Variants in ENTHD1 observed in about 807,000 individuals in gnomAD.
The protein encoded by ENTHD1 is ENTH domain-containing protein 1.
A neutral mutation model predicts 39.1 loss-of-function variants in ENTHD1; 23 were observed. The ratio of observed to expected loss-of-function variants is 0.59; its 90% CI spans 0.42 to 0.83. The LOEUF is 0.83. Among genes scored for constraint, ENTHD1 ranks in the 40% least tolerant of loss-of-function variants. ENTHD1 has a pLI of 0.00. For synonymous variants in ENTHD1, 230 were observed against 258.2 expected, an observed-to-expected ratio of 0.89 and a Z score of 1.05; for missense variants, 624 against 705.4, an observed-to-expected ratio of 0.88 and a Z score of 1.31.
chr22:39,828,060 T>C (rs2065839761), intron 4 of ENTHD1, among the ~76,000 whole-genome samples: 1 of 152,246 alleles, frequency 6.6e-6, no homozygotes, highest in Non-Finnish European at 1.5e-5. Flanking sequence ...ACATTTATTA[T>C]ACAGAAAGAT....
intron 5 of ENTHD1, among the ~76,000 whole-genome samples, chr22:39,797,810 G>A (rs1304528538): frequency 6.6e-6 from 1 of 152,104 alleles, no homozygotes; most frequent in Non-Finnish European, 1.5e-5. Flanking sequence ...TCAGCTGTTG[G>A]TCTGACAGGA....
At chr22:39,792,874 A>C (rs140467889) in intron 5 of ENTHD1, among the ~76,000 whole-genome samples, 138 of 152,356 alleles carry the variant, frequency 9.1e-4, no homozygotes, top group African/African-American at 3.2e-3. Flanking sequence ...TGCTATTGTG[A>C]ATAATGCTTC....
At chr22:39,843,557 A>G (rs908879568) in intron 3 of ENTHD1, among the ~76,000 whole-genome samples, 17 of 151,966 alleles carry the variant, frequency 1.1e-4, no homozygotes, top group African/African-American at 3.9e-4. Flanking sequence ...ACATGTATAC[A>G]TATGTAACTA....
intron 4 of ENTHD1, among the ~76,000 whole-genome samples, chr22:39,824,566 A>G (rs546313011): frequency 2.2e-4 from 34 of 152,294 alleles, no homozygotes; most frequent in African/African-American, 7.9e-4. Context: ...TATAGTTTAC[A>G]TTTAAGTCTG....
chr22:39,770,242 T>C (rs2065311117), intron 5 of ENTHD1, among the ~76,000 whole-genome samples: 1 of 152,184 alleles, frequency 6.6e-6, no homozygotes, highest in African/African-American at 2.4e-5. Flanking sequence ...TAGCTTTTTG[T>C]TAGGTGCTGC....
At chr22:39,826,679 A>T (rs2065829070) in intron 4 of ENTHD1, among the ~76,000 whole-genome samples, 1 of 152,122 alleles carries the variant, frequency 6.6e-6, no homozygotes, top group South Asian at 2.1e-4. Context: ...GGGTGATTAC[A>T]ATATGTTAAT....
intron 4 of ENTHD1, among the ~76,000 whole-genome samples, chr22:39,824,993 A>G (rs1318778517): frequency 6.6e-6 from 1 of 152,236 alleles, no homozygotes; most frequent in Non-Finnish European, 1.5e-5. Context: ...TTAAACCTAT[A>G]GAATAATTAG....
At chr22:39,850,865 C>T (rs1375552209) in intron 3 of ENTHD1, among the ~76,000 whole-genome samples, 1 of 152,124 alleles carries the variant, frequency 6.6e-6, no homozygotes, top group Non-Finnish European at 1.5e-5. Context: ...TTTTTCTTAA[C>T]TCAAAAATTA....
chr22:39,775,056 A>C (rs1440191771), intron 5 of ENTHD1, among the ~76,000 whole-genome samples: 1 of 152,236 alleles, frequency 6.6e-6, no homozygotes, highest in Non-Finnish European at 1.5e-5. Context: ...CGTTAAAATG[A>C]ATCCATTTTC....
intron 5 of ENTHD1, among the ~76,000 whole-genome samples, chr22:39,766,019 C>CAAAAAAAAAAAAAAA (rs11367784): frequency 0.012 from 574 of 48,448 alleles, 11 homozygotes; most frequent in Middle Eastern, 0.028. Flanking sequence ...CCCTCAGCTA[C>CAAAAAAAAAAAAAAA]AAAAAAAAAA....
At chr22:39,754,890 G>A (rs935727320) in intron 6 of ENTHD1, among the ~76,000 whole-genome samples, 1 of 152,206 alleles carries the variant, frequency 6.6e-6, no homozygotes, top group African/African-American at 2.4e-5. Context: ...GACCAGCACT[G>A]TCTTCAAATT....
intron 1 of ENTHD1, among the ~76,000 whole-genome samples, chr22:39,891,337 C>T (rs1489807935): frequency 1.3e-5 from 2 of 152,174 alleles, no homozygotes; most frequent in Non-Finnish European, 2.9e-5. Flanking sequence ...TCTTATTTAC[C>T]ACTGTAATCC....
At chr22:39,766,405 C>T (rs1033774542) in intron 5 of ENTHD1, among the ~76,000 whole-genome samples, 16 of 152,164 alleles carry the variant, frequency 1.1e-4, no homozygotes, top group Admixed American at 4.6e-4. Context: ...ATTGAATCTA[C>T]GCATTATAGA....
intron 5 of ENTHD1, among the ~76,000 whole-genome samples, chr22:39,791,700 A>T (rs2065505806): frequency 1.3e-5 from 2 of 152,140 alleles, no homozygotes; most frequent in South Asian, 4.1e-4. Context: ...GTCTGGCCTA[A>T]CATTATAATT....
chr22:39,845,967 C>T (rs980726698), intron 3 of ENTHD1, among the ~76,000 whole-genome samples: 2 of 151,690 alleles, frequency 1.3e-5, no homozygotes, highest in African/African-American at 2.4e-5. Context: ...GACACAAAAC[C>T]AGACATATAA....
chr22:39,848,424 T>C (rs2066008567), intron 3 of ENTHD1, among the ~76,000 whole-genome samples: 1 of 152,080 alleles, frequency 6.6e-6, no homozygotes, highest in Admixed American at 6.6e-5. Context: ...CAGCTAATTT[T>C]TGTATTTTTA....
At chr22:39,853,403 C>T (rs1202256392) in intron 3 of ENTHD1, among the ~76,000 whole-genome samples, 5 of 151,998 alleles carry the variant, frequency 3.3e-5, no homozygotes, top group African/African-American at 1.2e-4. Context: ...GGTGTAGTGG[C>T]AGGCACCTGT....
At chr22:39,767,674 A>G (rs888367238) in intron 5 of ENTHD1, among the ~76,000 whole-genome samples, 3 of 152,356 alleles carry the variant, frequency 2.0e-5, no homozygotes, top group Admixed American at 6.5e-5. Context: ...TCTATATGTA[A>G]TAAGATCATC....
chr22:39,865,345 C>T lies in ENTHD1; in HGVS notation c.350-3338G>A, dbSNP rs563688320. ...CCAGAAGTGAGCTTCTGCCCACTAC[C>T]CTAGCTTGCTATCATCCTAGAGAAG... On this transcript the variant is annotated intron_variant, in intron 2 of 6. Transcript: ENST00000325157. Among the ~76,000 whole-genome samples, 14 of 152,050 alleles carry T rather than the reference C, an allele frequency of 9.2e-5. No individual in the cohort carries two copies. The East Asian group carries it at 2.7e-3, about 29-fold the overall frequency.
Sources: gnomAD v4.1 joint callset for allele counts (sites outside exome capture counted in the v4.1 genomes callset) on GRCh38, gnomAD v4.1.1 for gene constraint, MANE v1.5 for transcripts, NCBI Gene and HGNC (gene_info 2026-07-23, HGNC 2026-07-21) for gene names.